The following TNPO2 variants were observed in gnomAD, a reference collection of about 807,000 sequenced individuals.
TNPO2 encodes transportin 2.
In TNPO2, 16 loss-of-function variants were observed where a neutral mutation model predicts 111.1. The observed-to-expected ratio is 0.14, with a 90% CI of 0.10 to 0.22. The LOEUF (loss-of-function observed/expected upper bound fraction) is 0.22. Among genes scored for constraint, TNPO2 ranks in the 10% least tolerant of loss-of-function variants. The pLI is 1.00. For synonymous variants in TNPO2, 481 were observed against 475.8 expected (o/e 1.01, Z -0.14); for missense variants, 530 against 1,173.7 (o/e 0.45, Z 8.01).
At position 12,701,721 on chromosome 19, in the gene TNPO2, G is replaced by A. The variant is rs572231241; in HGVS notation, c.2511+31C>T. 134 of 1,612,950 alleles carry A rather than the reference G, an allele frequency of 8.3e-5. No homozygotes were observed. The highest frequency in any genetic ancestry group is 2.4e-4 in the South Asian group (22 of 91,062). ...GAGGGGCCGCCCGAGCCCAGCGCCCGCGCCTGCCCTCAGAGCCCAGCTGCC... is the reference window on the plus strand; with the variant it reads ...GAGGGGCCGCCCGAGCCCAGCGCCCACGCCTGCCCTCAGAGCCCAGCTGCC... On this transcript the variant is annotated intron_variant, in intron 23 of 25. Coordinates refer to ENST00000425528, the MANE Select transcript of TNPO2 (RefSeq NM_001382241.1). This position sits in a 1 kb window ranked among gnomAD's most constrained non-coding sequence, Gnocchi z 5.0.
At position 12,702,286 on chromosome 19, in the gene TNPO2, C is replaced by T. The variant is rs2025362759; in HGVS notation, c.2306-109G>A. On this transcript the variant is annotated intron_variant, in intron 21 of 25. Transcript: ENST00000425528. This position sits in a 1 kb window ranked among gnomAD's most constrained non-coding sequence, Gnocchi z 5.5. Reference sequence around the variant, plus strand: ...AATGGCTACTGCAGCCACCCTGGTCCCCCAAGCTTGGCCCAGCCAGGGGTC... The same window carrying T: ...AATGGCTACTGCAGCCACCCTGGTCTCCCAAGCTTGGCCCAGCCAGGGGTC... 3 of 954,894 alleles carry T rather than the reference C, an allele frequency of 3.1e-6. No individual in the cohort carries two copies. Among genetic ancestry groups the T allele is most frequent in the Non-Finnish European group, 4.9e-6 (3 of 618,344 alleles). 59.2% of individuals were successfully genotyped at this position (954,894 alleles called of 1,614,324 possible).
At position 12,706,546 on chromosome 19, in the gene TNPO2, G is replaced by T; in HGVS notation, c.1496+24C>A. ...GGGTGGCCGGGGGAGAGTGGGGGCTGTGGGATCAGGGGTCCAGGGTCACCT... is the reference window on the plus strand; with the variant it reads ...GGGTGGCCGGGGGAGAGTGGGGGCTTTGGGATCAGGGGTCCAGGGTCACCT... On this transcript the variant is annotated intron_variant, in intron 14 of 25. Transcript: ENST00000425528. This position sits in a 1 kb window ranked among gnomAD's most constrained non-coding sequence, Gnocchi z 7.0. 6.2e-7 allele frequency: 1 copy of T among 1,612,026 alleles called. No homozygotes were observed. The highest frequency in any genetic ancestry group is 1.1e-5 in the South Asian group (1 of 91,030).
intron 10 of TNPO2, among the ~76,000 whole-genome samples, 177 bp from the exon 11 acceptor site, chr19:12,711,790 C>T (rs1267514412): frequency 6.6e-6 from 1 of 151,934 alleles, no homozygotes; most frequent in Non-Finnish European, 1.5e-5. Flanking sequence ...CCATTTCCCT[C>T]TGGGGAATTA....
chr19:12,699,870 C>CCAGTCAGACTCCAAAACACAAGGGG lies in TNPO2; in HGVS notation c.*1369_*1393dup. The stretch of plus-strand genomic sequence containing the variant: ...GGAGCAGGCCCCAGGATGCGAGACT[C>CCAGTCAGACTCCAAAACACAAGGGG]CAGTCAGACTCCAAAACACAAGGGG... On this transcript the variant is annotated 3_prime_UTR_variant, in exon 26 of 26. Coordinates refer to ENST00000425528, the MANE Select transcript of TNPO2 (RefSeq NM_001382241.1). The CCAGTCAGACTCCAAAACACAAGGGG allele has an allele frequency of 6.6e-6, 1 of 152,286 alleles. No homozygotes were observed. The highest frequency in any genetic ancestry group is 2.1e-4 in the South Asian group (1 of 4,792). The allele number at this position is 152,286 out of a possible 1,614,324, so 9.4% of individuals were successfully genotyped here.
At position 12,701,957 on chromosome 19, in the gene TNPO2, G is replaced by T; in HGVS notation, c.2412-106C>A. ...AGTGGGCCTGGGACATGCATCTGTG[G>T]GGGTGGGGCAGGGCAGGGAGTCAGT... On this transcript the variant is annotated intron_variant, in intron 22 of 25. Coordinates refer to ENST00000425528, the MANE Select transcript of TNPO2 (RefSeq NM_001382241.1). The surrounding 1 kb of genome is among the most constrained non-coding windows in gnomAD (Gnocchi z 5.0). The T allele has an allele frequency of 7.2e-7, 1 of 1,396,120 alleles. No homozygotes were observed. The allele number at this position is 1,396,120 out of a possible 1,614,324, so 86.5% of individuals were successfully genotyped here.
chr19:12,706,842 C>T lies in TNPO2; in HGVS notation c.1271-47G>A. The T allele has an allele frequency of 6.7e-7, 1 of 1,482,810 alleles. No homozygotes were observed. The highest frequency in any genetic ancestry group is 1.7e-4 in the Middle Eastern group (1 of 5,846). The allele number at this position is 1,482,810 out of a possible 1,614,324, so 91.9% of individuals were successfully genotyped here. ...AGGGGGCAGTTTGATTGGGCCCAGC[C>T]ACACCCACCGTATGGAGAGAAGAGT... On this transcript the variant is annotated intron_variant, in intron 13 of 25. Transcript: ENST00000425528. This position sits in a 1 kb window ranked among gnomAD's most constrained non-coding sequence, Gnocchi z 7.0.
chr19:12,706,918 G>A lies in TNPO2; in HGVS notation c.1271-123C>T. The A allele has an allele frequency of 1.2e-6, 1 of 810,684 alleles. No individual in the cohort carries two copies. The highest frequency in any genetic ancestry group is 2.0e-6 in the Non-Finnish European group (1 of 510,634). 50.2% of individuals were successfully genotyped at this position (810,684 alleles called of 1,614,324 possible). On this transcript the variant is annotated intron_variant, in intron 13 of 25. Transcript: ENST00000425528. The surrounding 1 kb of genome is among the most constrained non-coding windows in gnomAD (Gnocchi z 7.0). ...CTGAGGCTTAGAGTTTAAATCACTG[G>A]CCCAGACTCATTTCACAGAGCCAGG...
At chr19:12,713,266 G>A (rs1351287306) in intron 10 of TNPO2, among the ~76,000 whole-genome samples, 1 of 152,106 alleles carries the variant, frequency 6.6e-6, no homozygotes, top group Non-Finnish European at 1.5e-5. Context: ...GCCCAGAGTT[G>A]TAAGTGACAG....
At position 12,702,986 on chromosome 19, in the gene TNPO2, CCTCA is replaced by C; in HGVS notation, c.2210-72_2210-69del. 7.1e-7 allele frequency: 1 copy of C among 1,406,448 alleles called. No homozygotes were observed. The highest frequency in any genetic ancestry group is 1.2e-5 in the South Asian group (1 of 85,162). 87.1% of individuals were successfully genotyped at this position (1,406,448 alleles called of 1,614,324 possible). ...CCACAGGGGCCAGGGGGCCGCCCCA[CCTCA>C]CTCACTACTCGCCCCAGTTCCAACT... On this transcript the variant is annotated intron_variant, in intron 20 of 25. Coordinates refer to ENST00000425528, the MANE Select transcript of TNPO2 (RefSeq NM_001382241.1). This position sits in a 1 kb window ranked among gnomAD's most constrained non-coding sequence, Gnocchi z 5.5.
Position 12,714,152 on chromosome 19 carries a change from C to T in TNPO2, c.890+669G>A, listed in dbSNP as rs1479750718. On this transcript the variant is annotated intron_variant, in intron 10 of 25. Transcript: ENST00000425528. ...ATTTCTTTACTCTGAAGTTCCTAAG[C>T]TGGAAGGGCACAGAAGGCTACAGCA... 2.6e-5 allele frequency among the ~76,000 whole-genome samples: 4 copies of T among 152,088 alleles called. No homozygotes were observed. The East Asian group carries it at 5.8e-4, about 22-fold the overall frequency.
In TNPO2 at chr19:12,721,380, C is replaced by A; in HGVS notation, c.-13-390G>T. On this transcript the variant is annotated intron_variant, in intron 2 of 25. Transcript: ENST00000425528. The surrounding 1 kb of genome is among the most constrained non-coding windows in gnomAD (Gnocchi z 4.9). ...CAGCCGCCTCCACATCCAGGGGCCC[C>A]GCCCCAGACCGTGATAGCGCCCCGG... 9.3e-7 allele frequency: 1 copy of A among 1,075,914 alleles called. No individual in the cohort carries two copies. Among genetic ancestry groups the A allele is most frequent in the Non-Finnish European group, 1.2e-6 (1 of 805,356 alleles). 66.6% of individuals were successfully genotyped at this position (1,075,914 alleles called of 1,614,324 possible). A position where few individuals can be genotyped will look rare whatever the true frequency, so the allele number is the denominator to read the frequency against.
At position 12,714,123 on chromosome 19, in the gene TNPO2, G is replaced by A. The variant is rs1187614028; in HGVS notation, c.890+698C>T. On this transcript the variant is annotated intron_variant, in intron 10 of 25. Transcript: ENST00000425528. ...AGGACTTTTGTTGGAAACACTGGTCGAAAATTTCTTTACTCTGAAGTTCCT... is the reference window on the plus strand; with the variant it reads ...AGGACTTTTGTTGGAAACACTGGTCAAAAATTTCTTTACTCTGAAGTTCCT... 2.0e-5 allele frequency among the ~76,000 whole-genome samples: 3 copies of A among 152,080 alleles called. 1 individual carries two copies. The highest frequency in any genetic ancestry group is 7.2e-5 in the African/African-American group (3 of 41,402).
Position 12,705,943 on chromosome 19 carries a change from GCCCGC to G in TNPO2, c.1669-180_1669-176del. ...CATTCTTCTCACCTGTCCAAGCACCGCCCGCCCCACCCCACCCCCCGGGAGCCTGG... is the reference window on the plus strand; with the variant it reads ...CATTCTTCTCACCTGTCCAAGCACCGCCCACCCCACCCCCCGGGAGCCTGG... On this transcript the variant is annotated intron_variant, in intron 15 of 25. Coordinates refer to ENST00000425528, the MANE Select transcript of TNPO2 (RefSeq NM_001382241.1). This position sits in a 1 kb window ranked among gnomAD's most constrained non-coding sequence, Gnocchi z 7.2. 1 of 664,018 alleles carries G rather than the reference GCCCGC, an allele frequency of 1.5e-6. No homozygotes were observed. The highest frequency in any genetic ancestry group is 2.5e-6 in the Non-Finnish European group (1 of 398,522). 41.1% of individuals were successfully genotyped at this position (664,018 alleles called of 1,614,324 possible). A position where few individuals can be genotyped will look rare whatever the true frequency, so the allele number is the denominator to read the frequency against.
intron 10 of TNPO2, among the ~76,000 whole-genome samples, chr19:12,713,937 G>A (rs1468362809): frequency 6.6e-6 from 1 of 152,118 alleles, no homozygotes; most frequent in Non-Finnish European, 1.5e-5. Context: ...GGCTGAGGTA[G>A]GAGGATTGCT....
At position 12,701,759 on chromosome 19, in the gene TNPO2, A is replaced by G. The variant is rs1456192374; in HGVS notation, c.2504T>C (p.Val835Ala). The G allele has an allele frequency of 1.2e-6, 2 of 1,613,648 alleles. No individual in the cohort carries two copies. The highest frequency in any genetic ancestry group is 1.7e-6 in the Non-Finnish European group (2 of 1,179,788). ...GAGCCCAGCTGCCCCAACCTGCACA[A>G]CGCCCCCCGGGTTGACACCGATCAT... is the stretch of plus-strand genomic sequence containing the variant. ...CMMIGVNPGG[V>A]VQDFIFFCDA... Residue 835 changes from valine (V) to alanine (A), a missense_variant, in exon 23 of 26, where the codon GTT (valine) becomes GCT (alanine). Coordinates refer to ENST00000425528, the MANE Select transcript of TNPO2 (RefSeq NM_001382241.1). This position sits in a 1 kb window ranked among gnomAD's most constrained non-coding sequence, Gnocchi z 5.0.
intron 2 of TNPO2, chr19:12,722,462 G>A (rs1967046217): frequency 6.7e-6 from 1 of 150,140 alleles, no homozygotes; most frequent in South Asian, 2.1e-4. Flanking sequence ...CGGGCTCTGA[G>A]TGAGGCCCAC....
Position 12,705,278 on chromosome 19 carries a change from G to A in TNPO2, c.1984C>T (p.Arg662Cys), listed in dbSNP as rs866781975. ...AACAGCAATGTCATGATGTTGCTGC[G>A]GGCCACCAGCTGCTCCACGTGACCA... Reference protein sequence around the residue: ...LGGHVEQLVARSNIMTLLFQC... With the variant: ...LGGHVEQLVACSNIMTLLFQC... Residue 662 changes from arginine to cysteine, a missense_variant, in exon 18 of 26, where the codon CGC becomes TGC. Arg to Cys is a radical substitution (Grantham distance 180). This residue lies in a region of TNPO2 where 183 missense variants were observed against 481.0 expected (regional missense o/e 0.38). Transcript: ENST00000425528. This position sits in a 1 kb window ranked among gnomAD's most constrained non-coding sequence, Gnocchi z 7.2. The A allele has an allele frequency of 5.6e-6, 9 of 1,604,810 alleles. No homozygotes were observed. Among genetic ancestry groups the A allele is most frequent in the Admixed American group, 3.4e-5 (2 of 58,898 alleles).
Position 12,701,726 on chromosome 19 carries a change from T to A in TNPO2, c.2511+26A>T. The A allele has an allele frequency of 2.5e-6, 4 of 1,613,180 alleles. No individual in the cohort carries two copies. Among genetic ancestry groups the A allele is most frequent in the Non-Finnish European group, 3.4e-6 (4 of 1,179,334 alleles). Reference sequence around the variant, plus strand: ...GCCGCCCGAGCCCAGCGCCCGCGCCTGCCCTCAGAGCCCAGCTGCCCCAAC... The same window carrying A: ...GCCGCCCGAGCCCAGCGCCCGCGCCAGCCCTCAGAGCCCAGCTGCCCCAAC... On this transcript the variant is annotated intron_variant, in intron 23 of 25. Coordinates refer to ENST00000425528, the MANE Select transcript of TNPO2 (RefSeq NM_001382241.1). This position sits in a 1 kb window ranked among gnomAD's most constrained non-coding sequence, Gnocchi z 5.0.
intron 2 of TNPO2, chr19:12,722,561 T>TAAAAAAAAA (rs751028490): frequency 1.5e-4 from 6 of 40,866 alleles, no homozygotes; most frequent in African/African-American, 2.6e-4. Context: ...GAGAGAGAAT[T>TAAAAAAAAA]AAAAAAAAAA....
Sources: allele counts gnomAD v4.1 joint callset (sites outside exome capture counted in the v4.1 genomes callset), GRCh38; gene constraint gnomAD v4.1.1; regional missense constraint gnomAD v4.1.1; non-coding constraint Gnocchi (gnomAD v3.1); transcripts MANE v1.5; gene names NCBI Gene and HGNC (gene_info 2026-07-23, HGNC 2026-07-21).